ADCY2: variants seen among roughly 807,000 people sequenced by gnomAD.
ADCY2 encodes the protein adenylate cyclase 2, also known as adenylate cyclase type 2.
ADCY2 carries 31 observed loss-of-function variants against 125.2 expected under a neutral mutation model. The observed-to-expected ratio is 0.25, with a 90% CI of 0.19 to 0.33. ADCY2 has a LOEUF of 0.33. Ranked by LOEUF, ADCY2 falls within the 10% of genes least tolerant of loss-of-function variation. The probability of loss-of-function intolerance (pLI) is 1.00; values close to 1 mark genes in which losing one functional copy is unlikely to be tolerated. For missense variants in ADCY2, 904 were observed against 1,418.2 expected, an observed-to-expected ratio of 0.64 and a Z score of 5.82; for synonymous variants, 512 against 548.4, an observed-to-expected ratio of 0.93 and a Z score of 0.93.
chr5:7,631,119 A>G (rs1449833451), intron 4 of ADCY2, among the ~76,000 whole-genome samples: 1 of 152,024 alleles, frequency 6.6e-6, no homozygotes, highest in Non-Finnish European at 1.5e-5. Context: ...CTGCTGTTGC[A>G]TCTTCTTCCT....
intron 2 of ADCY2, among the ~76,000 whole-genome samples, chr5:7,519,494 A>G (rs1047137065): frequency 7.2e-5 from 11 of 151,738 alleles, no homozygotes; most frequent in African/African-American, 2.4e-4. Context: ...CCCATTCCCT[A>G]TTTCCCTGAC....
Position 7,561,679 on chromosome 5 carries a change from T to C in ADCY2, c.570+40780T>C, listed in dbSNP as rs576616700. ...GTGTTGAAACATGGTTATTGTAACATAATGGAGAATGCCTGCTTTAGCTAT... is the reference window on the plus strand; with the variant it reads ...GTGTTGAAACATGGTTATTGTAACACAATGGAGAATGCCTGCTTTAGCTAT... On this transcript the variant is annotated intron_variant, in intron 3 of 24. Transcript: ENST00000338316. Among the ~76,000 whole-genome samples, 5 of 152,350 alleles carry C rather than the reference T, an allele frequency of 3.3e-5. No homozygotes were observed. The South Asian group carries it at 1.0e-3, about 32-fold the overall frequency.
intron 3 of ADCY2, among the ~76,000 whole-genome samples, chr5:7,526,431 A>G (rs1734464395): frequency 6.7e-6 from 1 of 148,818 alleles, no homozygotes; most frequent in Non-Finnish European, 1.5e-5. Flanking sequence ...GTTTACAACA[A>G]TTCATTATAT....
chr5:7,461,579 C>T (rs937308467), intron 2 of ADCY2, among the ~76,000 whole-genome samples: 3 of 152,196 alleles, frequency 2.0e-5, no homozygotes, highest in East Asian at 1.9e-4. Flanking sequence ...TAGAATCTGA[C>T]GTAGTTTCCC....
At chr5:7,534,658 A>AG (rs1260261643) in intron 3 of ADCY2, among the ~76,000 whole-genome samples, 2 of 152,254 alleles carry the variant, frequency 1.3e-5, no homozygotes, top group African/African-American at 4.8e-5. Context: ...CATGCAGCTC[A>AG]GCCTGATGTT....
intron 2 of ADCY2, among the ~76,000 whole-genome samples, chr5:7,425,180 G>T (rs1043743237): frequency 1.3e-5 from 2 of 152,242 alleles, no homozygotes; most frequent in Non-Finnish European, 2.9e-5. Context: ...CAACAAGGAG[G>T]TGTGAGTGGG....
chr5:7,527,183 G>A (rs572773656), intron 3 of ADCY2, among the ~76,000 whole-genome samples: 1 of 152,200 alleles, frequency 6.6e-6, no homozygotes, highest in Non-Finnish European at 1.5e-5. Context: ...GGTGGCAGTG[G>A]TGTGGCCCTC....
intron 16 of ADCY2, among the ~76,000 whole-genome samples, chr5:7,765,448 A>G (rs1475293190): frequency 1.3e-5 from 2 of 152,186 alleles, no homozygotes; most frequent in African/African-American, 4.8e-5. Context: ...AAGTTCTTTC[A>G]TCATACATAA....
intron 3 of ADCY2, among the ~76,000 whole-genome samples, chr5:7,607,816 T>C (rs1737431045): frequency 6.6e-6 from 1 of 152,202 alleles, no homozygotes. Flanking sequence ...ATGAGAAAGA[T>C]ACATAAACTA....
chr5:7,787,805 C>A (rs1744126972), intron 19 of ADCY2, among the ~76,000 whole-genome samples: 1 of 152,150 alleles, frequency 6.6e-6, no homozygotes, highest in Non-Finnish European at 1.5e-5. Flanking sequence ...GACTTACAAA[C>A]TGCTTACCTG....
chr5:7,786,698 C>G (rs1744094045), intron 19 of ADCY2, among the ~76,000 whole-genome samples: 1 of 152,104 alleles, frequency 6.6e-6, no homozygotes, highest in African/African-American at 2.4e-5. Flanking sequence ...AGTGTCTCAC[C>G]AGAGCTTAAA....
At chr5:7,649,942 G>A (rs1739029772) in intron 4 of ADCY2, among the ~76,000 whole-genome samples, 1 of 151,884 alleles carries the variant, frequency 6.6e-6, no homozygotes, top group Non-Finnish European at 1.5e-5. Context: ...TCGTATCCAA[G>A]CCATCTGCAG....
chr5:7,535,004 T>C (rs971892026), intron 3 of ADCY2, among the ~76,000 whole-genome samples: 6 of 152,224 alleles, frequency 3.9e-5, no homozygotes, highest in Admixed American at 3.9e-4. Flanking sequence ...GAGATGAGCT[T>C]CTGAGATCTT....
chr5:7,746,448 T>C (rs971097210), intron 15 of ADCY2: 2 of 152,252 alleles, frequency 1.3e-5, no homozygotes, highest in African/African-American at 4.8e-5. Flanking sequence ...ATTTGCAACA[T>C]CAAATATATT....
intron 18 of ADCY2, among the ~76,000 whole-genome samples, chr5:7,778,022 A>G (rs1743796133): frequency 6.6e-6 from 1 of 152,184 alleles, no homozygotes; most frequent in Non-Finnish European, 1.5e-5. Flanking sequence ...TGGTGTTCAC[A>G]GCAGTCCTCC....
Position 7,802,549 on chromosome 5 carries a change from T to C in ADCY2, c.2775+185T>C, listed in dbSNP as rs1744629712. 6.6e-6 allele frequency among the ~76,000 whole-genome samples: 1 copy of C among 152,246 alleles called. No homozygotes were observed. Among genetic ancestry groups the C allele is most frequent in the Non-Finnish European group, 1.5e-5 (1 of 68,042 alleles). ...GACTAATTTAAGGTAGACAAATACA[T>C]TGTATTTTTGAAGCTGGTATGACTG... is the stretch of plus-strand genomic sequence containing the variant. On this transcript the variant is annotated intron_variant, in intron 21 of 24. Coordinates refer to ENST00000338316, the MANE Select transcript of ADCY2 (RefSeq NM_020546.3). The surrounding 1 kb of genome is among the most constrained non-coding windows in gnomAD (Gnocchi z 4.6).
intron 3 of ADCY2, among the ~76,000 whole-genome samples, chr5:7,580,320 A>C (rs1361821094): frequency 6.6e-6 from 1 of 152,236 alleles, no homozygotes; most frequent in Non-Finnish European, 1.5e-5. Context: ...AGTGGTTATA[A>C]TTAAGTTTTT....
rs187494408 is a variant in ADCY2, at chr5:7,536,432, C to T, written c.570+15533C>T. Among the ~76,000 whole-genome samples, 358 of 152,264 alleles carry T rather than the reference C, an allele frequency of 2.4e-3. 1 individual carries two copies. Among genetic ancestry groups the T allele is most frequent in the Non-Finnish European group, 3.1e-3 (213 of 68,026 alleles). ...ACCTGTGCAGGTGGAGTGCACCACTCGTCACTGTCATCCCCCCCACATGCC... is the reference window on the plus strand; with the variant it reads ...ACCTGTGCAGGTGGAGTGCACCACTTGTCACTGTCATCCCCCCCACATGCC... On this transcript the variant is annotated intron_variant, in intron 3 of 24. Coordinates refer to ENST00000338316, the MANE Select transcript of ADCY2 (RefSeq NM_020546.3).
chr5:7,808,560 C>G (rs1003522551), intron 22 of ADCY2, among the ~76,000 whole-genome samples: 9 of 152,150 alleles, frequency 5.9e-5, no homozygotes, highest in Non-Finnish European at 1.2e-4. Context: ...AACTGAGGCA[C>G]GGAGCAGTCA....
Sources: allele counts gnomAD v4.1 joint callset (sites outside exome capture counted in the v4.1 genomes callset), GRCh38; gene constraint gnomAD v4.1.1; non-coding constraint Gnocchi (gnomAD v3.1); transcripts MANE v1.5; gene names NCBI Gene and HGNC (gene_info 2026-07-23, HGNC 2026-07-21).